Variants in XPR1 observed in about 807,000 individuals in gnomAD.
The protein encoded by XPR1 is solute carrier family 53 member 1.
Under a neutral mutation model 87.5 loss-of-function variants are expected in XPR1, and 28 were observed. The observed-to-expected ratio is 0.32, with a 90% CI of 0.24 to 0.44. The LOEUF (loss-of-function observed/expected upper bound fraction) is 0.44. Ranked by LOEUF, XPR1 falls within the 20% of genes least tolerant of loss-of-function variation. The pLI is 1.00. For missense variants in XPR1, 559 were observed against 862.3 expected, an observed-to-expected ratio of 0.65 and a Z score of 4.41; for synonymous variants, 300 against 306.1, an observed-to-expected ratio of 0.98 and a Z score of 0.21.
intron 2 of XPR1, among the ~76,000 whole-genome samples, chr1:180,778,743 A>G (rs1316161535): frequency 2.0e-5 from 3 of 152,198 alleles, no homozygotes; most frequent in Admixed American, 1.3e-4. Context: ...ATCGTGCTTT[A>G]TACTCATAAT....
intron 13 of XPR1, 175 bp downstream of exon 13, chr1:180,874,117 A>G (rs757827407): frequency 9.1e-5 from 68 of 747,336 alleles, no homozygotes; most frequent in Non-Finnish European, 1.3e-4. Context: ...CTGATCTCGA[A>G]CTCTTGACCT....
At chr1:180,737,372 GA>G (rs1468562253) in intron 2 of XPR1, among the ~76,000 whole-genome samples, 1 of 152,198 alleles carries the variant, frequency 6.6e-6, no homozygotes, top group African/African-American at 2.4e-5. Context: ...TCTAAAACGT[GA>G]TATACTATTT....
intron 2 of XPR1, among the ~76,000 whole-genome samples, chr1:180,709,039 G>A (rs1001492068): frequency 3.3e-5 from 5 of 151,788 alleles, no homozygotes; most frequent in Non-Finnish European, 1.5e-5. Flanking sequence ...AGCCTCCTGA[G>A]TAGCTGGGAT....
chr1:180,762,840 C>T (rs745379007), intron 2 of XPR1, among the ~76,000 whole-genome samples: 5 of 152,136 alleles, frequency 3.3e-5, no homozygotes, highest in African/African-American at 4.8e-5. Context: ...ATACAGCAGA[C>T]ATGTATAACT....
intron 2 of XPR1, among the ~76,000 whole-genome samples, chr1:180,786,896 T>C (rs1049377363): frequency 5.9e-5 from 9 of 152,208 alleles, no homozygotes; most frequent in Non-Finnish European, 1.2e-4. Context: ...TCCCAGCTCC[T>C]GAAGGTTTGG....
chr1:180,773,576 C>G (rs1429533326), intron 2 of XPR1, among the ~76,000 whole-genome samples: 2 of 152,120 alleles, frequency 1.3e-5, no homozygotes, highest in Non-Finnish European at 2.9e-5. Flanking sequence ...TTATTTGTAT[C>G]TCATATAATG....
intron 2 of XPR1, among the ~76,000 whole-genome samples, chr1:180,710,386 A>G (rs1441071196): frequency 6.6e-6 from 1 of 151,982 alleles, no homozygotes; most frequent in Non-Finnish European, 1.5e-5. Context: ...ACTTGAGATT[A>G]GGGAGTGGTG....
chr1:180,677,290 A>G (rs1656399079), intron 1 of XPR1, among the ~76,000 whole-genome samples: 3 of 152,226 alleles, frequency 2.0e-5, no homozygotes, highest in African/African-American at 4.8e-5. Flanking sequence ...TAATTCACAT[A>G]GAACCGTCTA....
At chr1:180,803,738 C>A in intron 4 of XPR1, 127 bp downstream of exon 4, 4 of 746,444 alleles carry the variant, frequency 5.4e-6, no homozygotes, top group Non-Finnish European at 8.5e-6. Context: ...TGTTGTTATT[C>A]TTGGGGTTCC....
Position 180,863,748 on chromosome 1 carries a change from G to C in XPR1, c.1542G>C (p.Trp514Cys). 1 of 1,606,112 alleles carries C rather than the reference G, an allele frequency of 6.2e-7. No homozygotes were observed. Among genetic ancestry groups the C allele is most frequent in the Non-Finnish European group, 8.5e-7 (1 of 1,176,786 alleles). The stretch of plus-strand genomic sequence containing the variant: ...ACACTATGGTGTTCTTTTACCTGTG[G>C]ATTGTCTTTTATATCATCAGTTCCT... ...HSDTMVFFYLWIVFYIISSCY... is the reference protein window; with the variant it reads ...HSDTMVFFYLCIVFYIISSCY... The change falls in exon 12 of 15, where the codon TGG becomes TGC. Residue 514 changes from tryptophan to cysteine, a missense_variant. Transcript: ENST00000367590.
chr1:180,743,420 T>G (rs1488935045), intron 2 of XPR1, among the ~76,000 whole-genome samples: 1 of 152,084 alleles, frequency 6.6e-6, no homozygotes, highest in Non-Finnish European at 1.5e-5. Flanking sequence ...TAGGTCTCTT[T>G]CCCTTTCCTC....
intron 2 of XPR1, among the ~76,000 whole-genome samples, chr1:180,758,302 T>G (rs1368435971): frequency 2.0e-5 from 3 of 151,810 alleles, no homozygotes; most frequent in African/African-American, 7.3e-5. Flanking sequence ...ATAGATCTTA[T>G]GAAAATAAGG....
intron 3 of XPR1, among the ~76,000 whole-genome samples, chr1:180,792,405 C>T (rs1253902802): frequency 6.6e-6 from 1 of 152,064 alleles, no homozygotes; most frequent in East Asian, 1.9e-4. Context: ...TTTTTTCTTG[C>T]CGATGCTATT....
At chr1:180,648,741 C>T (rs1225803411) in intron 1 of XPR1, among the ~76,000 whole-genome samples, 1 of 152,154 alleles carries the variant, frequency 6.6e-6, no homozygotes, top group Admixed American at 6.5e-5. Flanking sequence ...CTCCTGACCC[C>T]AGGTGATCCA....
At chr1:180,686,932 A>C (rs1656801650) in intron 2 of XPR1, among the ~76,000 whole-genome samples, 1 of 152,158 alleles carries the variant, frequency 6.6e-6, no homozygotes, top group Admixed American at 6.6e-5. Context: ...TTAAGTCAGG[A>C]ATTGGCATTT....
intron 1 of XPR1, among the ~76,000 whole-genome samples, chr1:180,668,810 C>G (rs756794483): frequency 1.3e-5 from 2 of 152,128 alleles, no homozygotes; most frequent in Non-Finnish European, 2.9e-5. Flanking sequence ...TCTATTGAGA[C>G]TGAGCACGGT....
intron 2 of XPR1, among the ~76,000 whole-genome samples, chr1:180,776,180 A>G (rs1391410728): frequency 1.4e-5 from 2 of 140,578 alleles, no homozygotes; most frequent in East Asian, 3.9e-4. Context: ...AAGCTTATTT[A>G]TCATTAAAAT....
intron 1 of XPR1, among the ~76,000 whole-genome samples, chr1:180,661,466 TTTAA>T (rs1352192774): frequency 7.1e-6 from 1 of 140,244 alleles, no homozygotes; most frequent in Non-Finnish European, 1.5e-5. Flanking sequence ...GCTGGTATGT[TTTAA>T]TTTTTCGTGT....
intron 2 of XPR1, among the ~76,000 whole-genome samples, chr1:180,780,935 A>G (rs1648912670): frequency 6.6e-6 from 1 of 152,026 alleles, no homozygotes. Flanking sequence ...TAATTTTGAT[A>G]AAGTTCAATC....
Sources: gnomAD v4.1 joint callset for allele counts (sites outside exome capture counted in the v4.1 genomes callset) on GRCh38, gnomAD v4.1.1 for gene constraint, MANE v1.5 for transcripts, NCBI Gene and HGNC (gene_info 2026-07-23, HGNC 2026-07-21) for gene names.